L1CAM: variants seen among roughly 807,000 people sequenced by gnomAD.
L1CAM encodes the protein neural cell adhesion molecule L1.
Under a neutral mutation model 93.0 loss-of-function variants are expected in L1CAM, and 8 were observed. That is an observed-to-expected ratio of 0.09 (90% confidence interval 0.05 to 0.16). The LOEUF is 0.16. Among genes scored for constraint, L1CAM ranks in the 10% least tolerant of loss-of-function variants. The pLI is 1.00. For missense variants in L1CAM, 777 were observed against 1,073.4 expected, an observed-to-expected ratio of 0.72 and a Z score of 3.86; for synonymous variants, 453 against 453.0, an observed-to-expected ratio of 1.00 and a Z score of 0.00.
In L1CAM at chrX:153,875,632, C is replaced by T. The variant is rs782440868; in HGVS notation, c.76+129G>A. 2.4e-5 allele frequency: 15 copies of T among 619,541 alleles called. No homozygotes were observed. The African/African-American group carries it at 3.3e-4, about 13-fold the overall frequency. 51.1% of individuals were successfully genotyped at this position (619,541 alleles called of 1,213,427 possible). A position where few individuals can be genotyped will look rare whatever the true frequency, so the allele number is the denominator to read the frequency against. ...CAACGTCCTGGCTATCTCCTGCCCA[C>T]CCTGTGCCCAGGAAAGGCCAGGGAG... On this transcript the variant is annotated intron_variant, in intron 2 of 28. Coordinates refer to ENST00000370060, the MANE Select transcript of L1CAM (RefSeq NM_001278116.2).
intron 17 of L1CAM, 94 bp downstream of exon 17, chrX:153,867,262 C>T: frequency 9.9e-7 from 1 of 1,005,152 alleles, no homozygotes; most frequent in Non-Finnish European, 1.4e-6. Context: ...AATTTGGAAG[C>T]AGAGGAACTT....
At chrX:153,872,454 A>G in intron 4 of L1CAM, 100 bp from the exon 5 acceptor site, 1 of 962,815 alleles carries the variant, frequency 1.0e-6, no homozygotes, top group African/African-American at 1.9e-5. Flanking sequence ...CCCCCAGGGG[A>G]TGGACTGGGA....
At chrX:153,883,639 G>A (rs1467885667) in intron 1 of L1CAM, 4 of 289,255 alleles carry the variant, frequency 1.4e-5, no homozygotes, top group Admixed American at 3.9e-5. Flanking sequence ...CAGACCCCCC[G>A]CCTCCCCCAC....
chrX:153,868,327 G>A lies in L1CAM; in HGVS notation c.1678C>T (p.Leu560Phe), dbSNP rs1414810082. ...SITWRGDGRD[L>F]QELGDSDKYF... is the part of the protein sequence containing the mutation. ...TTGTCACTGTCCCCAAGCTCCTGGA[G>A]GTCTCGACCGTCCCCACGCCAGGTG... Residue 560 changes from leucine to phenylalanine, a missense_variant, in exon 14 of 29, where the codon CTC becomes TTC. By Grantham distance (22) the Leu-to-Phe change is conservative. Coordinates refer to ENST00000370060, the MANE Select transcript of L1CAM (RefSeq NM_001278116.2). The A allele has an allele frequency of 1.7e-6, 2 of 1,212,096 alleles. No individual in the cohort carries two copies. The highest frequency in any genetic ancestry group is 2.2e-6 in the Non-Finnish European group (2 of 895,596).
At chrX:153,874,499 T>C (rs2064798333) in intron 2 of L1CAM, among the ~76,000 whole-genome samples, 1 of 112,964 alleles carries the variant, frequency 8.9e-6, no homozygotes, top group African/African-American at 3.2e-5. Context: ...TGTGCATCTG[T>C]ACCAAGGGAG....
At position 153,869,553 on chromosome X, in the gene L1CAM, G is replaced by C. The variant is rs782810182; in HGVS notation, c.1234C>G (p.Leu412Val). The change falls in exon 11 of 29, where the codon CTC becomes GTC. Residue 412 changes from leucine to valine, a missense_variant. This residue lies in a region of L1CAM where 574 missense variants were observed against 781.0 expected (regional missense o/e 0.73). Transcript: ENST00000370060. ...TQCEARNRHG[L>V]LLANAYIYVV... ...TAGATGTAGGCATTGGCCAGCAAGAGCCCGTGCCGGTTGCGGGCCTCACAT... is the reference window on the plus strand; with the variant it reads ...TAGATGTAGGCATTGGCCAGCAAGACCCCGTGCCGGTTGCGGGCCTCACAT... 10 of 1,211,204 alleles carry C rather than the reference G, an allele frequency of 8.3e-6. No individual in the cohort carries two copies. The highest frequency in any genetic ancestry group is 3.0e-5 in the East Asian group (1 of 33,841).
At position 153,872,363 on chromosome X, in the gene L1CAM, G is replaced by A. The variant is rs782753470; in HGVS notation, c.198-9C>T. 1.9e-5 allele frequency: 23 copies of A among 1,205,677 alleles called. No homozygotes were observed. In the South Asian group the frequency reaches 2.1e-4, roughly 11 times the overall value. ...CCCTCGTCCAGCGGAACCTGTGGGC[G>A]GAAAAAGGCCCAGAGGCCTGAGGCC... On this transcript the variant is annotated splice_polypyrimidine_tract_variant and intron_variant, in intron 4 of 28. Transcript: ENST00000370060.
chrX:153,880,627 G>C (rs1218836374), intron 1 of L1CAM: 2 of 339,771 alleles, frequency 5.9e-6, no homozygotes, highest in African/African-American at 2.7e-5. Flanking sequence ...CCTGTGCACT[G>C]TGTCCCTTTA....
chrX:153,869,510 G>A lies in L1CAM; in HGVS notation c.1267+10C>T, dbSNP rs2064746969. The stretch of plus-strand genomic sequence containing the variant: ...TGGGAGTTAGGAGGTAAGGAAGGGA[G>A]GGCACTCACGGACAACGTAGATGTA... On this transcript the variant is annotated intron_variant, in intron 11 of 28. Coordinates refer to ENST00000370060, the MANE Select transcript of L1CAM (RefSeq NM_001278116.2). 8.3e-7 allele frequency: 1 copy of A among 1,209,334 alleles called. No homozygotes were observed. The highest frequency in any genetic ancestry group is 1.1e-6 in the Non-Finnish European group (1 of 894,721).
In L1CAM at chrX:153,867,127, G is replaced by A. The variant is rs782777715; in HGVS notation, c.2138-3C>T. The A allele has an allele frequency of 1.1e-5, 13 of 1,200,567 alleles. No individual in the cohort carries two copies. Among genetic ancestry groups the A allele is most frequent in the Non-Finnish European group, 1.5e-5 (13 of 886,640 alleles). On this transcript the variant is annotated splice_polypyrimidine_tract_variant and splice_region_variant and intron_variant, in intron 17 of 28. Coordinates refer to ENST00000370060, the MANE Select transcript of L1CAM (RefSeq NM_001278116.2). ...ATCCACAGGGTTCTTCTCTGGGGCT[G>A]GAAAGGAAAGTATTAACACATCAAT...
rs1259461710 is a variant in L1CAM, at chrX:153,862,382, CT to C, written c.*280del. The C allele has an allele frequency of 1.2e-5, 4 of 333,011 alleles. No individual in the cohort carries two copies. The highest frequency in any genetic ancestry group is 2.1e-5 in the Non-Finnish European group (4 of 191,624). The allele number at this position is 333,011 out of a possible 1,213,427, so 27.4% of individuals were successfully genotyped here. On this transcript the variant is annotated 3_prime_UTR_variant, in exon 29 of 29. Coordinates refer to ENST00000370060, the MANE Select transcript of L1CAM (RefSeq NM_001278116.2). ...AGACCCTTTCGGGCCACCCCTACTTCTTCTCCCCCAAACCACAGCCTCTCTG... is the reference window on the plus strand; with the variant it reads ...AGACCCTTTCGGGCCACCCCTACTTCTCTCCCCCAAACCACAGCCTCTCTG...
chrX:153,862,913 G>A lies in L1CAM; in HGVS notation c.3543-19C>T, dbSNP rs2064676440. On this transcript the variant is annotated intron_variant, in intron 28 of 28. Coordinates refer to ENST00000370060, the MANE Select transcript of L1CAM (RefSeq NM_001278116.2). ...GTTGTCACTGCAGAGGCACAGGGCA[G>A]GTGCGAGTGAGAGCACTGCCGAGCC... 1.6e-5 allele frequency: 19 copies of A among 1,168,780 alleles called. No homozygotes were observed. The East Asian group carries it at 5.7e-4, about 35-fold the overall frequency.
At chrX:153,883,576 A>G in intron 1 of L1CAM, 1 of 263,574 alleles carries the variant, frequency 3.8e-6, no homozygotes, top group South Asian at 3.7e-5. Flanking sequence ...AGCCCATTGC[A>G]GGGGCAGAGG....
At chrX:153,877,558 C>G (rs926946922) in intron 1 of L1CAM, among the ~76,000 whole-genome samples, 11 of 111,327 alleles carry the variant, frequency 9.9e-5, no homozygotes, top group Non-Finnish European at 2.1e-4. Context: ...ACCCAGGAGG[C>G]GGAAGTTGCA....
chrX:153,885,268 C>A, intron 1 of L1CAM: 1 of 514,216 alleles, frequency 1.9e-6, no homozygotes, highest in Non-Finnish European at 3.0e-6. Context: ...CTCACCCCTA[C>A]CTGATGGACC....
intron 5 of L1CAM, among the ~76,000 whole-genome samples, chrX:153,871,861 G>GC (rs1400258583): frequency 0.097 from 2,021 of 20,809 alleles, 72 homozygotes; most frequent in African/African-American, 0.25. Flanking sequence ...CCACCAGCCC[G>GC]CCCCCCCCTC....
chrX:153,872,676 G>A lies in L1CAM; in HGVS notation c.113C>T (p.Thr38Met), dbSNP rs201151358. 5.7e-4 allele frequency: 688 copies of A among 1,206,671 alleles called. 1 individual carries two copies. The highest frequency in any genetic ancestry group is 7.3e-4 in the Non-Finnish European group (654 of 892,578). The change falls in exon 4 of 29, where the codon ACG becomes ATG. Residue 38 changes from threonine (T) to methionine (M), a missense_variant. Thr to Met is a moderately conservative substitution (Grantham distance 81). Coordinates refer to ENST00000370060, the MANE Select transcript of L1CAM (RefSeq NM_001278116.2). ...GHHVMEPPVI[T>M]EQSPRRLVVF... ...AACCAGGCGCCGTGGAGACTGTTCC[G>A]TGATGACAGGTGGCTCCATCACTGA...
At chrX:153,863,827 G>T in intron 26 of L1CAM, 56 bp downstream of exon 26, 1 of 1,203,394 alleles carries the variant, frequency 8.3e-7, no homozygotes, top group Admixed American at 2.2e-5. Context: ...TGGAAGGGGC[G>T]AGGTGCTCCT....
intron 12 of L1CAM, 45 bp from the exon 13 acceptor site, chrX:153,868,772 C>T (rs782030759): frequency 1.5e-5 from 18 of 1,200,313 alleles, no homozygotes; most frequent in Non-Finnish European, 1.7e-5. Flanking sequence ...CTGGCCTGGG[C>T]TCCCTGCCCT....
Sources: gnomAD v4.1 joint callset for allele counts (sites outside exome capture counted in the v4.1 genomes callset) on GRCh38, gnomAD v4.1.1 for gene constraint, gnomAD v4.1.1 regional missense constraint, MANE v1.5 for transcripts, NCBI Gene and HGNC (gene_info 2026-07-23, HGNC 2026-07-21) for gene names.